The following MASP1 variants were observed in gnomAD, a reference collection of about 807,000 sequenced individuals.
MASP1 encodes mannan-binding lectin serine protease 1.
Under a neutral mutation model 77.1 loss-of-function variants are expected in MASP1, and 59 were observed. The ratio of observed to expected loss-of-function variants is 0.77; its 90% CI spans 0.62 to 0.95. The LOEUF is 0.95. Ranked by LOEUF, MASP1 falls within the 40% of genes least tolerant of loss-of-function variation. The probability of loss-of-function intolerance (pLI) is 0.00; values close to 1 mark genes in which losing one functional copy is unlikely to be tolerated. For synonymous variants in MASP1, 362 were observed against 354.5 expected (o/e 1.02, Z -0.24); for missense variants, 885 against 912.9 (o/e 0.97, Z 0.39).
At chr3:187,253,342 A>AAAT in intron 5 of MASP1, 27 bp from the exon 6 acceptor site, 1 of 1,613,612 alleles carries the variant, frequency 6.2e-7, no homozygotes, top group South Asian at 1.1e-5. Flanking sequence ...AGAGAGAGAG[A>AAAT]AATAGAGTGT....
chr3:187,218,330 G>C (rs1711864810), exon 16 of MASP1: 1 of 152,502 alleles, frequency 6.6e-6, no homozygotes, highest in Non-Finnish European at 1.5e-5. Context: ...GGATGTTGGG[G>C]TGTGCCCAGG....
At chr3:187,248,880 A>G (rs564748192) in intron 8 of MASP1, among the ~76,000 whole-genome samples, 5 of 152,366 alleles carry the variant, frequency 3.3e-5, no homozygotes, top group African/African-American at 1.2e-4. Context: ...TTTTACTTCA[A>G]AGTTCTTCCT....
Position 187,260,858 on chromosome 3 carries a change from T to C in MASP1, c.430A>G (p.Lys144Glu). 1 of 1,614,090 alleles carries C rather than the reference T, an allele frequency of 6.2e-7. No homozygotes were observed. The highest frequency in any genetic ancestry group is 2.2e-5 in the East Asian group (1 of 44,882). ...GACAGCTCCTCGTCCTCCCTCTCCT[T>C]GCACTCGTCCACATCTGTAGGGCAG... Reference protein sequence around the residue: ...HYMAVDVDECKEREDEELSCD... With the variant: ...HYMAVDVDECEEREDEELSCD... The change falls in exon 4 of 11, where the codon AAG becomes GAG. Residue 144 changes from lysine to glutamate, a missense_variant. Lys to Glu is a moderately conservative substitution (Grantham distance 56, BLOSUM62 1). Transcript: ENST00000296280.
At chr3:187,281,104 T>C (rs1239897205) in intron 2 of MASP1, among the ~76,000 whole-genome samples, 1 of 152,244 alleles carries the variant, frequency 6.6e-6, no homozygotes, top group Non-Finnish European at 1.5e-5. Flanking sequence ...CCAGCCTTGA[T>C]TCGTATGCCT....
At chr3:187,288,344 G>A (rs1448672321) in intron 1 of MASP1, among the ~76,000 whole-genome samples, 1 of 152,174 alleles carries the variant, frequency 6.6e-6, no homozygotes, top group Non-Finnish European at 1.5e-5. Context: ...TTTCAAGTGA[G>A]GAAATGAACC....
intron 2 of MASP1, among the ~76,000 whole-genome samples, chr3:187,273,377 G>A (rs1310788646): frequency 6.6e-6 from 1 of 152,308 alleles, no homozygotes; most frequent in East Asian, 1.9e-4. Flanking sequence ...CATCAAAAGG[G>A]TACTCTTAAG....
chr3:187,258,590 T>C (rs1025654989), intron 4 of MASP1, among the ~76,000 whole-genome samples: 3 of 152,162 alleles, frequency 2.0e-5, no homozygotes, highest in Admixed American at 1.3e-4. Context: ...TGGCTGGAGG[T>C]GGTGCTTCCC....
At position 187,253,819 on chromosome 3, in the gene MASP1, C is replaced by G. The variant is rs544810543; in HGVS notation, c.745-504G>C. 1.4e-3 allele frequency among the ~76,000 whole-genome samples: 215 copies of G among 151,836 alleles called. 1 individual carries two copies. The highest frequency in any genetic ancestry group is 5.1e-3 in the African/African-American group (212 of 41,364). On this transcript the variant is annotated intron_variant, in intron 5 of 10. Coordinates refer to ENST00000296280, the MANE Select transcript of MASP1 (RefSeq NM_139125.4). The stretch of plus-strand genomic sequence containing the variant: ...CACATGGACACAGGGAGGGGAAGAT[C>G]ACACACCAGGGCCTGTCAGGGGGTG...
intron 1 of MASP1, chr3:187,291,252 T>C: frequency 2.6e-6 from 1 of 378,302 alleles, no homozygotes; most frequent in South Asian, 2.3e-5. Context: ...CACAAAGTGC[T>C]GGAAGAGAGA....
rs1194855774 is a variant in MASP1, at chr3:187,236,692, C to G, written c.1304-125G>C. 5 of 1,529,514 alleles carry G rather than the reference C, an allele frequency of 3.3e-6. No homozygotes were observed. In the African/African-American group the frequency reaches 5.5e-5, roughly 17 times the overall value. 94.7% of individuals were successfully genotyped at this position (1,529,514 alleles called of 1,614,324 possible). On this transcript the variant is annotated intron_variant, in intron 10 of 10. Transcript: ENST00000296280. ...GATTATGCCACCATGGGACCCTAAC[C>G]TGCCTGGGTCATGCTAGCCTGGGAG...
In MASP1 at chr3:187,235,382, A is replaced by C. The variant is rs762235647; in HGVS notation, c.*302T>G. On this transcript the variant is annotated 3_prime_UTR_variant, in exon 11 of 11. Coordinates refer to ENST00000296280, the MANE Select transcript of MASP1 (RefSeq NM_139125.4). ...CACTGGGGTAAGAAGCATGGCCTGG[A>C]AAGGAGTGCTGGGATTGGCACAGAG... The C allele has an allele frequency of 1.4e-6, 2 of 1,445,204 alleles. No homozygotes were observed. Among genetic ancestry groups the C allele is most frequent in the Non-Finnish European group, 1.8e-6 (2 of 1,090,398 alleles). 89.5% of individuals were successfully genotyped at this position (1,445,204 alleles called of 1,614,324 possible). A position where few individuals can be genotyped will look rare whatever the true frequency, so the allele number is the denominator to read the frequency against.
chr3:187,223,077 C>T, intron 14 of MASP1: 2 of 1,479,720 alleles, frequency 1.4e-6, no homozygotes, highest in Non-Finnish European at 1.9e-6. Context: ...CAGGAAGGCC[C>T]AGTGCAGAGC....
At chr3:187,285,745 T>C in intron 2 of MASP1, 80 bp downstream of exon 2, 1 of 1,141,312 alleles carries the variant, frequency 8.8e-7, no homozygotes, top group Non-Finnish European at 1.3e-6. Context: ...TATGCCACCC[T>C]GGAAGGGTCT....
At chr3:187,270,603 C>T (rs758813133) in intron 2 of MASP1, among the ~76,000 whole-genome samples, 5 of 152,164 alleles carry the variant, frequency 3.3e-5, no homozygotes, top group African/African-American at 7.2e-5. Context: ...AATCCCATGC[C>T]GTGGTCCCTA....
chr3:187,244,476 A>G (rs1359366841), intron 8 of MASP1: 1 of 152,180 alleles, frequency 6.6e-6, no homozygotes, highest in Non-Finnish European at 1.5e-5. Context: ...TTTCATTCTT[A>G]AGGAAATCCT....
At chr3:187,266,651 C>G (rs1178663791) in intron 2 of MASP1, among the ~76,000 whole-genome samples, 2 of 152,104 alleles carry the variant, frequency 1.3e-5, no homozygotes, top group Non-Finnish European at 2.9e-5. Flanking sequence ...ATCTCAGCTG[C>G]TCCTCCCCAC....
At chr3:187,291,037 T>C (rs1215836734) in intron 1 of MASP1, among the ~76,000 whole-genome samples, 1 of 152,108 alleles carries the variant, frequency 6.6e-6, no homozygotes, top group African/African-American at 2.4e-5. Context: ...CTTCATAGCC[T>C]GATTCATGCC....
chr3:187,253,245 C>G lies in MASP1; in HGVS notation c.815G>C (p.Ser272Thr). The G allele has an allele frequency of 6.2e-7, 1 of 1,614,146 alleles. No homozygotes were observed. Among genetic ancestry groups the G allele is most frequent in the East Asian group, 2.2e-5 (1 of 44,866 alleles). ...EKAPEPISTQSHSVLILFHSD... is the reference protein window; with the variant it reads ...EKAPEPISTQTHSVLILFHSD... ...ATGGAACAGGATCAGGACACTGTGGCTCTGGGTGCTGATGGGTTCTGGGGC... is the reference window on the plus strand; with the variant it reads ...ATGGAACAGGATCAGGACACTGTGGGTCTGGGTGCTGATGGGTTCTGGGGC... Residue 272 changes from serine (S) to threonine (T), a missense_variant, in exon 6 of 11, where the codon AGC (serine) becomes ACC (threonine). Physicochemically the swap from Ser to Thr is moderately conservative, Grantham distance 58. Transcript: ENST00000296280.
At position 187,236,001 on chromosome 3, in the gene MASP1, C is replaced by T. The variant is rs144963945; in HGVS notation, c.1870G>A (p.Val624Met). The change falls in exon 11 of 11, where the codon GTG becomes ATG. Residue 624 changes from valine (V) to methionine (M), a missense_variant. By Grantham distance (21) the Val-to-Met change is conservative. Transcript: ENST00000296280. ...SDVLQYVKLP[V>M]VPHAECKTSY... ...GTTTTGCACTCAGCGTGAGGCACCACGGGTAACTTGACATACTGCAGGACA... is the reference window on the plus strand; with the variant it reads ...GTTTTGCACTCAGCGTGAGGCACCATGGGTAACTTGACATACTGCAGGACA... 8.7e-6 allele frequency: 14 copies of T among 1,614,106 alleles called. No homozygotes were observed. In the African/African-American group the frequency reaches 9.3e-5, roughly 11 times the overall value.
Sources: allele counts gnomAD v4.1 joint callset (sites outside exome capture counted in the v4.1 genomes callset), GRCh38; gene constraint gnomAD v4.1.1; transcripts MANE v1.5; gene names NCBI Gene and HGNC (gene_info 2026-07-23, HGNC 2026-07-21).